Variants in USP28 observed in about 807,000 individuals in gnomAD.
USP28 encodes ubiquitin carboxyl-terminal hydrolase 28.
USP28 carries 113 observed loss-of-function variants against 145.0 expected under a neutral mutation model. That is an observed-to-expected ratio of 0.78 (90% CI 0.67 to 0.91). The LOEUF is 0.91. Among genes scored for constraint, USP28 ranks in the 40% least tolerant of loss-of-function variants. The probability of loss-of-function intolerance (pLI) is 0.00; values close to 1 mark genes in which losing one functional copy is unlikely to be tolerated. For missense variants in USP28, 1,201 were observed against 1,289.6 expected, an observed-to-expected ratio of 0.93 and a Z score of 1.05; for synonymous variants, 447 against 450.9, an observed-to-expected ratio of 0.99 and a Z score of 0.11.
At chr11:113,816,738 C>G (rs1379015238) in intron 13 of USP28, among the ~76,000 whole-genome samples, 1 of 152,074 alleles carries the variant, frequency 6.6e-6, no homozygotes, top group Non-Finnish European at 1.5e-5. Context: ...GATTAAATAG[C>G]CTGCCGAACC....
chr11:113,833,117 T>C (rs1011291682), intron 7 of USP28, among the ~76,000 whole-genome samples: 1 of 152,232 alleles, frequency 6.6e-6, no homozygotes, highest in African/African-American at 2.4e-5. Context: ...TTACAGCTCA[T>C]TGAGGTATTT....
chr11:113,811,092 G>A (rs1045224479), intron 16 of USP28, among the ~76,000 whole-genome samples: 1 of 152,220 alleles, frequency 6.6e-6, no homozygotes, highest in African/African-American at 2.4e-5. Context: ...GAAAGAAAGA[G>A]AGAATAATGT....
chr11:113,806,515 C>G lies in USP28; in HGVS notation c.2374G>C (p.Asp792His), dbSNP rs763672149. The change falls in exon 19 of 25, where the codon GAT becomes CAT. Residue 792 changes from aspartate to histidine, a missense_variant. Physicochemically the swap from Asp to His is moderately conservative, Grantham distance 81 (BLOSUM62 -1). Coordinates refer to ENST00000003302, the Ensembl canonical transcript of USP28. Reference sequence around the variant, plus strand: ...TTAATCAGCCCTGCTTCAGACCCATCTCGGTCAAAGGTCTGACGGGCTTTA... The same window carrying G: ...TTAATCAGCCCTGCTTCAGACCCATGTCGGTCAAAGGTCTGACGGGCTTTA... 28 of 1,611,654 alleles carry G rather than the reference C, an allele frequency of 1.7e-5. No homozygotes were observed. In the Admixed American group the frequency reaches 3.9e-4, roughly 22 times the overall value.
intron 13 of USP28, among the ~76,000 whole-genome samples, chr11:113,816,787 A>G (rs1941808271): frequency 6.6e-6 from 1 of 152,192 alleles, no homozygotes; most frequent in Non-Finnish European, 1.5e-5. Context: ...CATAATATAC[A>G]TAAAAAGATT....
chr11:113,841,802 T>C (rs1172279937), intron 3 of USP28, 34 bp from the exon 4 acceptor site: 4 of 1,454,910 alleles, frequency 2.7e-6, no homozygotes, highest in Non-Finnish European at 3.8e-6. Flanking sequence ...TTAGTCTATA[T>C]ATAGGAAACA....
At chr11:113,858,860 C>A (rs1244918999) in intron 1 of USP28, among the ~76,000 whole-genome samples, 1 of 152,132 alleles carries the variant, frequency 6.6e-6, no homozygotes, top group African/African-American at 2.4e-5. Flanking sequence ...CCACCCACCT[C>A]GGCCTCCCAA....
chr11:113,805,122 T>C, intron 19 of USP28, 76 bp from the exon 21 acceptor site: 1 of 1,392,092 alleles, frequency 7.2e-7, no homozygotes, highest in Admixed American at 2.3e-5. Flanking sequence ...GCCTAGGAGC[T>C]AGGCAGTCTC....
intron 1 of USP28, among the ~76,000 whole-genome samples, chr11:113,873,779 G>A (rs1197529639): frequency 6.6e-6 from 1 of 151,916 alleles, no homozygotes; most frequent in African/African-American, 2.4e-5. Context: ...ATTTCCATTA[G>A]AAGTCAGTGC....
chr11:113,817,958 A>G, intron 12 of USP28, 121 bp from the exon 13 acceptor site: 1 of 1,019,678 alleles, frequency 9.8e-7, no homozygotes, highest in South Asian at 1.7e-5. Context: ...GAGGCTATAC[A>G]ATATTTAATA....
chr11:113,798,637 T>A lies in USP28; in HGVS notation c.*603A>T, dbSNP rs80338137. ...GAGGACTGAGTATGAGGTTTTCTGG[T>A]TTAAAGATAGAAAAGAAAGGAGAGA... On this transcript the variant is annotated 3_prime_UTR_variant, in exon 25 of 25. Coordinates refer to ENST00000003302, the Ensembl canonical transcript of USP28. 0.013 allele frequency: 2,047 copies of A among 152,736 alleles called. 27 individuals carry two copies. The highest frequency in any genetic ancestry group is 0.025 in the Non-Finnish European group (1,670 of 68,024). The allele number at this position is 152,736 out of a possible 1,614,324, so 9.5% of individuals were successfully genotyped here. A position where few individuals can be genotyped will look rare whatever the true frequency, so the allele number is the denominator to read the frequency against.
At chr11:113,864,679 T>C (rs1323421004) in intron 1 of USP28, among the ~76,000 whole-genome samples, 1 of 152,200 alleles carries the variant, frequency 6.6e-6, no homozygotes, top group African/African-American at 2.4e-5. Context: ...CAGGTCTTGA[T>C]TGAATGAGGC....
At chr11:113,818,851 A>G (rs1246754680) in intron 12 of USP28, among the ~76,000 whole-genome samples, 1 of 151,002 alleles carries the variant, frequency 6.6e-6, no homozygotes, top group Non-Finnish European at 1.5e-5. Flanking sequence ...ACAGAGTGAG[A>G]CTCTGTCTCA....
In USP28 at chr11:113,852,634, C is replaced by A; in HGVS notation, c.136-1G>T. On this transcript the variant is annotated splice_acceptor_variant, in intron 2 of 24. Coordinates refer to ENST00000003302, the Ensembl canonical transcript of USP28. LOFTEE classifies it high-confidence loss of function. ...CCTGAGTAATGTCACCATTACTGGC[C>A]TATGGGAGAAAAAGACAATAGAAAT... 3.1e-6 allele frequency: 5 copies of A among 1,613,086 alleles called. No individual in the cohort carries two copies. Among genetic ancestry groups the A allele is most frequent in the Non-Finnish European group, 4.2e-6 (5 of 1,179,812 alleles).
At chr11:113,836,367 A>C (rs1219940901) in intron 5 of USP28, among the ~76,000 whole-genome samples, 1 of 152,012 alleles carries the variant, frequency 6.6e-6, no homozygotes, top group African/African-American at 2.4e-5. Context: ...CAGCTGCTCT[A>C]ATCCAACTCC....
chr11:113,807,166 G>A (rs1307394184), intron 18 of USP28, among the ~76,000 whole-genome samples: 2 of 151,688 alleles, frequency 1.3e-5, no homozygotes, highest in African/African-American at 2.4e-5. Flanking sequence ...TCCGCCTCCC[G>A]GGTTCAAGCG....
chr11:113,848,768 T>C (rs536953584), intron 3 of USP28, among the ~76,000 whole-genome samples: 24 of 152,182 alleles, frequency 1.6e-4, no homozygotes, highest in Non-Finnish European at 3.1e-4. Context: ...AAACTTGTCC[T>C]TCAAGCAATA....
chr11:113,844,290 A>T (rs1441885787), intron 3 of USP28, among the ~76,000 whole-genome samples: 1 of 151,836 alleles, frequency 6.6e-6, no homozygotes, highest in African/African-American at 2.4e-5. Context: ...AATACAAAAA[A>T]ATTAGCCGGG....
rs191109474 is a variant in USP28 at position 113,854,559 on chromosome 11, G to A, written c.58-224C>T. 9.2e-5 allele frequency among the ~76,000 whole-genome samples: 14 copies of A among 152,196 alleles called. No homozygotes were observed. The East Asian group carries it at 2.1e-3, about 23-fold the overall frequency. On this transcript the variant is annotated intron_variant, in intron 1 of 24. Transcript: ENST00000003302. Reference sequence around the variant, plus strand: ...TGGGATTACAGGCACAGGCCACCACGCCCAGCTAAGTTTTGTATTTTTAGT... The same window carrying A: ...TGGGATTACAGGCACAGGCCACCACACCCAGCTAAGTTTTGTATTTTTAGT...
chr11:113,829,868 T>C (rs182128162), intron 9 of USP28, among the ~76,000 whole-genome samples: 2 of 150,896 alleles, frequency 1.3e-5, no homozygotes, highest in Non-Finnish European at 1.5e-5. Flanking sequence ...CCAGACATTA[T>C]GTACTTCCTA....
Sources: gnomAD v4.1 joint callset for allele counts (sites outside exome capture counted in the v4.1 genomes callset) on GRCh38, gnomAD v4.1.1 for gene constraint, MANE v1.5 for transcripts, NCBI Gene and HGNC (gene_info 2026-07-23, HGNC 2026-07-21) for gene names.